DLG2: variants seen among roughly 807,000 people sequenced by gnomAD.
DLG2 encodes the protein discs large MAGUK scaffold protein 2.
DLG2 carries 45 observed loss-of-function variants against 132.5 expected under a neutral mutation model. That is an observed-to-expected ratio of 0.34 (90% confidence interval 0.27 to 0.44). The LOEUF is 0.44. DLG2 is among the 20% of genes least tolerant of loss of function. The probability of loss-of-function intolerance (pLI) is 1.00; values close to 1 mark genes in which losing one functional copy is unlikely to be tolerated. For synonymous variants in DLG2, 424 were observed against 419.6 expected (o/e 1.01, Z -0.13); for missense variants, 1,045 against 1,196.9 (o/e 0.87, Z 1.87).
chr11:84,317,256 C>T, intron 7 of DLG2: 1 of 1,501,250 alleles, frequency 6.7e-7, no homozygotes, highest in Non-Finnish European at 8.8e-7. Context: ...CCGTGGATTC[C>T]TCAGTATCTT....
At chr11:84,266,443 C>T (rs905737590) in intron 7 of DLG2, among the ~76,000 whole-genome samples, 6 of 152,098 alleles carry the variant, frequency 3.9e-5, no homozygotes, top group Admixed American at 6.6e-5. Context: ...ATCTTTATTC[C>T]TATACTAATA....
In DLG2 at chr11:84,730,086, T is replaced by C. The variant is rs529642715; in HGVS notation, c.358-195355A>G. 2.6e-5 allele frequency among the ~76,000 whole-genome samples: 4 copies of C among 152,144 alleles called. No individual in the cohort carries two copies. In the East Asian group the frequency reaches 7.7e-4, roughly 29 times the overall value. On this transcript the variant is annotated intron_variant, in intron 6 of 27. Coordinates refer to ENST00000376104, the MANE Select transcript of DLG2 (RefSeq NM_001142699.3). ...ACCCTCTACACCACCTCTGAGAATATTCTTAGTGGCAAAATTCAAATAAAA... is the reference window on the plus strand; with the variant it reads ...ACCCTCTACACCACCTCTGAGAATACTCTTAGTGGCAAAATTCAAATAAAA...
At chr11:84,975,204 C>A (rs1240639510) in intron 6 of DLG2, among the ~76,000 whole-genome samples, 3 of 152,154 alleles carry the variant, frequency 2.0e-5, no homozygotes, top group African/African-American at 4.8e-5. Context: ...TATCCATTAT[C>A]CATTTTCCCT....
At chr11:83,920,955 T>C (rs1262332790) in intron 15 of DLG2, among the ~76,000 whole-genome samples, 1 of 152,164 alleles carries the variant, frequency 6.6e-6, no homozygotes. Flanking sequence ...GGGTGTACTT[T>C]TCTCTGAAGC....
intron 6 of DLG2, among the ~76,000 whole-genome samples, chr11:84,744,488 G>T (rs1380159422): frequency 1.3e-5 from 2 of 152,094 alleles, no homozygotes; most frequent in Admixed American, 1.3e-4. Context: ...TTTTCAGGAA[G>T]AACTCTTCAG....
intron 6 of DLG2, among the ~76,000 whole-genome samples, chr11:84,925,790 G>A (rs569312821): frequency 1.3e-5 from 2 of 152,194 alleles, no homozygotes; most frequent in South Asian, 2.1e-4. Flanking sequence ...ATCTCATAGT[G>A]TCCAATGAGA....
chr11:85,397,559 G>A (rs2087534044), intron 3 of DLG2, among the ~76,000 whole-genome samples: 1 of 152,066 alleles, frequency 6.6e-6, no homozygotes, highest in African/African-American at 2.4e-5. Flanking sequence ...ACAAAAATAG[G>A]CTCAAAATAA....
intron 6 of DLG2, among the ~76,000 whole-genome samples, chr11:84,787,850 G>C (rs956694116): frequency 6.6e-6 from 1 of 151,670 alleles, no homozygotes; most frequent in African/African-American, 2.4e-5. Flanking sequence ...TGTAATCCCA[G>C]CACTTTGGGA....
intron 8 of DLG2, 40 bp from the exon 9 acceptor site, chr11:84,163,551 CATGT>C: frequency 6.5e-7 from 1 of 1,527,730 alleles, no homozygotes. Context: ...CTATTAAATA[CATGT>C]TGAGGAGGAG....
At chr11:84,476,174 A>C (rs1011808451) in intron 7 of DLG2, among the ~76,000 whole-genome samples, 3 of 152,148 alleles carry the variant, frequency 2.0e-5, no homozygotes, top group Admixed American at 6.6e-5. Flanking sequence ...CTTGTTCAAA[A>C]TCACATAACT....
At chr11:85,348,366 G>C (rs954265340) in intron 3 of DLG2, among the ~76,000 whole-genome samples, 2 of 151,540 alleles carry the variant, frequency 1.3e-5, no homozygotes, top group Non-Finnish European at 2.9e-5. Flanking sequence ...GGGACTACAG[G>C]CCCGCACCAC....
chr11:85,209,538 C>T (rs1225584447), intron 4 of DLG2, among the ~76,000 whole-genome samples: 1 of 129,238 alleles, frequency 7.7e-6, no homozygotes, highest in Non-Finnish European at 1.6e-5. Flanking sequence ...AGCAATTCTC[C>T]TGCCTTAGCC....
intron 18 of DLG2, chr11:83,652,016 G>C: frequency 6.1e-6 from 2 of 328,230 alleles, no homozygotes; most frequent in Non-Finnish European, 1.3e-5. Flanking sequence ...GGCCCTGTTA[G>C]AGAATTGAAT....
At chr11:84,492,441 A>G (rs1010880176) in intron 7 of DLG2, among the ~76,000 whole-genome samples, 6 of 152,176 alleles carry the variant, frequency 3.9e-5, no homozygotes, top group Non-Finnish European at 8.8e-5. Flanking sequence ...TTTCTGATAT[A>G]TTTAAAGTAG....
chr11:84,867,973 C>T (rs550063803), intron 6 of DLG2, among the ~76,000 whole-genome samples: 1 of 151,884 alleles, frequency 6.6e-6, no homozygotes, highest in African/African-American at 2.4e-5. Context: ...ACTCGGGAGG[C>T]CGAGGCAGGA....
Position 84,787,704 on chromosome 11 carries a change from T to C in DLG2, c.358-252973A>G, listed in dbSNP as rs1380582723. Among the ~76,000 whole-genome samples, 9 of 152,152 alleles carry C rather than the reference T, an allele frequency of 5.9e-5. No homozygotes were observed. In the East Asian group the frequency reaches 9.6e-4, roughly 16 times the overall value. On this transcript the variant is annotated intron_variant, in intron 6 of 27. Transcript: ENST00000376104. ...TTTCTATCTGAGTTCCTGCACATCA[T>C]AGTACATTCACAAATACTTGAAGGC...
chr11:84,432,623 A>G lies in DLG2; in HGVS notation c.519+101947T>C, dbSNP rs56760788. Among the ~76,000 whole-genome samples, 209 of 152,282 alleles carry G rather than the reference A, an allele frequency of 1.4e-3. 1 individual carries two copies. Among genetic ancestry groups the G allele is most frequent in the African/African-American group, 4.7e-3 (195 of 41,544 alleles). ...GACATAATTCTCTTTCCTTGGTCCT[A>G]CTGCCAGCAAATGTATTACTAGTTT... On this transcript the variant is annotated intron_variant, in intron 7 of 27. Transcript: ENST00000376104.
intron 10 of DLG2, among the ~76,000 whole-genome samples, chr11:84,098,105 G>A (rs1201167662): frequency 6.7e-6 from 1 of 149,094 alleles, no homozygotes; most frequent in Non-Finnish European, 1.5e-5. Context: ...CGGGAGTGCA[G>A]TGGCATGATC....
chr11:84,585,132 A>G (rs1195250879), intron 6 of DLG2, among the ~76,000 whole-genome samples: 1 of 152,026 alleles, frequency 6.6e-6, no homozygotes, highest in Admixed American at 6.6e-5. Context: ...TTTTTTATGT[A>G]TTTAATCAAA....
Sources: gnomAD v4.1 joint callset for allele counts (sites outside exome capture counted in the v4.1 genomes callset) on GRCh38, gnomAD v4.1.1 for gene constraint, MANE v1.5 for transcripts, NCBI Gene and HGNC (gene_info 2026-07-23, HGNC 2026-07-21) for gene names.